The following CREBRF variants were observed in gnomAD, a reference collection of about 807,000 sequenced individuals.
CREBRF encodes CREB3 regulatory factor, also known as UPF0474 protein C5orf41.
CREBRF carries 5 observed loss-of-function variants against 66.1 expected under a neutral mutation model. The ratio of observed to expected loss-of-function variants is 0.08; its 90% CI spans 0.04 to 0.16. The LOEUF is 0.16. CREBRF is among the 10% of genes least tolerant of loss of function. CREBRF has a pLI of 1.00. For missense variants in CREBRF, 531 were observed against 744.9 expected, an observed-to-expected ratio of 0.71 and a Z score of 3.34; for synonymous variants, 229 against 264.4, an observed-to-expected ratio of 0.87 and a Z score of 1.30.
At chr5:173,087,166 C>T (rs1055771163) in intron 3 of CREBRF, among the ~76,000 whole-genome samples, 12 of 152,032 alleles carry the variant, frequency 7.9e-5, no homozygotes, top group African/African-American at 2.7e-4. Flanking sequence ...AGGCTGGTCT[C>T]GAACTCCTGA....
intron 2 of CREBRF, among the ~76,000 whole-genome samples, chr5:173,082,893 A>G (rs1408496848): frequency 1.7e-5 from 2 of 115,936 alleles, no homozygotes; most frequent in African/African-American, 6.5e-5. Context: ...TGAGCGACGG[A>G]GCGAGACTCT....
At chr5:173,108,562 A>G (rs1758800529) in intron 4 of CREBRF, 62 bp from the exon 5 acceptor site, 3 of 1,431,386 alleles carry the variant, frequency 2.1e-6, no homozygotes, top group Non-Finnish European at 2.9e-6. Context: ...GGGTCTTTTC[A>G]TTTGTTCTGA....
At chr5:173,108,982 A>G (rs1241230579) in intron 5 of CREBRF, 164 bp downstream of exon 5, 4 of 617,892 alleles carry the variant, frequency 6.5e-6, no homozygotes, top group Admixed American at 3.2e-5. Flanking sequence ...GTCACTCACA[A>G]ATAGCTTTTA....
At chr5:173,119,132 T>G (rs1253954958) in intron 7 of CREBRF, among the ~76,000 whole-genome samples, 1 of 152,208 alleles carries the variant, frequency 6.6e-6, no homozygotes, top group Non-Finnish European at 1.5e-5. Flanking sequence ...TTTGCTCTTT[T>G]TGTTTAAATC....
At chr5:173,063,603 A>C (rs1341998558) in intron 1 of CREBRF, among the ~76,000 whole-genome samples, 1 of 151,984 alleles carries the variant, frequency 6.6e-6, no homozygotes, top group Non-Finnish European at 1.5e-5. Context: ...TCCTGACCTC[A>C]GGTGATCCAC....
At chr5:173,118,987 A>G (rs1266173035) in intron 7 of CREBRF, among the ~76,000 whole-genome samples, 2 of 152,108 alleles carry the variant, frequency 1.3e-5, no homozygotes, top group Non-Finnish European at 2.9e-5. Context: ...TGGCCTCCCA[A>G]AGAGCTGGGA....
intron 7 of CREBRF, among the ~76,000 whole-genome samples, chr5:173,122,792 C>T (rs1221422904): frequency 1.7e-5 from 2 of 118,256 alleles, no homozygotes; most frequent in South Asian, 5.8e-4. Flanking sequence ...TGTTCCCCTT[C>T]CTGTGTCCAT....
intron 4 of CREBRF, chr5:173,092,235 A>G: frequency 4.1e-6 from 4 of 973,614 alleles, no homozygotes; most frequent in Non-Finnish European, 4.9e-6. Context: ...ATTTATGAAT[A>G]ATGTAAAAGC....
intron 8 of CREBRF, among the ~76,000 whole-genome samples, chr5:173,132,753 C>T (rs1254283568): frequency 6.7e-6 from 1 of 149,382 alleles, no homozygotes; most frequent in Admixed American, 6.7e-5. Flanking sequence ...ACATGTGCCA[C>T]CACACCTGGG....
chr5:173,112,223 G>A, intron 6 of CREBRF, 83 bp from the exon 7 acceptor site: 1 of 969,598 alleles, frequency 1.0e-6, no homozygotes, highest in Admixed American at 2.7e-5. Context: ...GGGCAACATA[G>A]CGAGACCCCT....
chr5:173,072,993 CAG>C (rs1338538756), intron 1 of CREBRF, among the ~76,000 whole-genome samples: 4 of 152,128 alleles, frequency 2.6e-5, no homozygotes, highest in African/African-American at 9.7e-5. Flanking sequence ...CCCTGAAAGT[CAG>C]AGAGTGATAG....
chr5:173,093,148 G>A (rs1758391303), intron 4 of CREBRF, among the ~76,000 whole-genome samples: 1 of 152,146 alleles, frequency 6.6e-6, no homozygotes, highest in Non-Finnish European at 1.5e-5. Context: ...GAAACAAAGA[G>A]AGGATGGGTA....
At chr5:173,079,681 A>G (rs1477674089) in intron 1 of CREBRF, among the ~76,000 whole-genome samples, 1 of 152,130 alleles carries the variant, frequency 6.6e-6, no homozygotes, top group Non-Finnish European at 1.5e-5. Flanking sequence ...ATTAAAAAAC[A>G]TTGCTGGTAC....
intron 1 of CREBRF, among the ~76,000 whole-genome samples, chr5:173,069,589 A>G (rs117818738): frequency 0.038 from 5,735 of 151,902 alleles, 154 homozygotes; most frequent in South Asian, 0.095. Flanking sequence ...CCCAAAGTGC[A>G]GGGATTACAG....
intron 3 of CREBRF, among the ~76,000 whole-genome samples, chr5:173,089,187 A>C (rs1290953508): frequency 3.3e-5 from 5 of 149,964 alleles, no homozygotes; most frequent in Non-Finnish European, 1.5e-5. Context: ...AAAAAAAAAA[A>C]AAACAAAAAA....
intron 7 of CREBRF, among the ~76,000 whole-genome samples, 170 bp downstream of exon 7, chr5:173,112,549 C>T (rs563831910): frequency 1.3e-5 from 2 of 152,224 alleles, no homozygotes; most frequent in South Asian, 4.1e-4. Context: ...CAGTCTTGTC[C>T]ACCTTTTAAT....
intron 4 of CREBRF, among the ~76,000 whole-genome samples, chr5:173,092,630 T>A (rs887091265): frequency 1.3e-5 from 2 of 152,260 alleles, no homozygotes; most frequent in Admixed American, 6.5e-5. Context: ...CCTTTTGTTA[T>A]AATGATGATT....
chr5:173,091,475 G>A (rs779095154), intron 4 of CREBRF, 74 bp downstream of exon 4: 5 of 1,533,678 alleles, frequency 3.3e-6, no homozygotes, highest in South Asian at 1.3e-5. Flanking sequence ...TTTTGTTTCT[G>A]TTTTGTTTGG....
At chr5:173,066,050 T>G (rs1486677142) in intron 1 of CREBRF, among the ~76,000 whole-genome samples, 1 of 152,072 alleles carries the variant, frequency 6.6e-6, no homozygotes, top group Non-Finnish European at 1.5e-5. Flanking sequence ...ACTCCCGGTG[T>G]CAAACAATCC....
Sources: allele counts gnomAD v4.1 joint callset (sites outside exome capture counted in the v4.1 genomes callset), GRCh38; gene constraint gnomAD v4.1.1; transcripts MANE v1.5; gene names NCBI Gene and HGNC (gene_info 2026-07-23, HGNC 2026-07-21).